The following RAB3C variants were observed in gnomAD, a reference collection of about 807,000 sequenced individuals.
RAB3C encodes the protein ras-related protein Rab-3C.
RAB3C carries 17 observed loss-of-function variants against 26.4 expected under a neutral mutation model. That is an observed-to-expected ratio of 0.64 (90% confidence interval 0.44 to 0.97). The LOEUF (loss-of-function observed/expected upper bound fraction) is 0.97, where lower values mean the gene tolerates loss of function less well. Ranked by LOEUF, RAB3C falls within the 50% of genes least tolerant of loss-of-function variation. The pLI is 0.00. For missense variants in RAB3C, 242 were observed against 281.9 expected (o/e 0.86, Z 1.01); for synonymous variants, 91 against 95.9 (o/e 0.95, Z 0.30).
chr5:58,746,828 T>C (rs1272868655), intron 3 of RAB3C, among the ~76,000 whole-genome samples: 1 of 152,226 alleles, frequency 6.6e-6, no homozygotes, highest in African/African-American at 2.4e-5. Context: ...TGTAAAGATA[T>C]TTATTATTTT....
At chr5:58,662,086 A>C (rs1747915923) in intron 2 of RAB3C, among the ~76,000 whole-genome samples, 1 of 149,880 alleles carries the variant, frequency 6.7e-6, no homozygotes, top group Non-Finnish European at 1.5e-5. Flanking sequence ...TTAGTCTTTT[A>C]CATCAGCTCT....
chr5:58,601,680 C>T (rs1746460901), intron 1 of RAB3C, among the ~76,000 whole-genome samples: 2 of 152,044 alleles, frequency 1.3e-5, no homozygotes, highest in African/African-American at 4.8e-5. Flanking sequence ...TCAGTGGTGT[C>T]AGCTGTAATA....
intron 1 of RAB3C, among the ~76,000 whole-genome samples, chr5:58,592,516 C>T (rs1746155765): frequency 1.3e-5 from 2 of 151,744 alleles, no homozygotes; most frequent in South Asian, 4.2e-4. Context: ...ACCTATGTAC[C>T]ATTTCTGGTA....
chr5:58,747,995 G>T (rs1227842440), intron 3 of RAB3C, among the ~76,000 whole-genome samples: 4 of 152,078 alleles, frequency 2.6e-5, no homozygotes, highest in African/African-American at 4.8e-5. Context: ...GTTGCTGCAG[G>T]TGGCCATGAA....
At chr5:58,672,485 G>A (rs1748140607) in intron 2 of RAB3C, among the ~76,000 whole-genome samples, 1 of 152,122 alleles carries the variant, frequency 6.6e-6, no homozygotes, top group South Asian at 2.1e-4. Flanking sequence ...GATGGTTCTC[G>A]AAGGTCATAT....
chr5:58,597,788 G>T (rs1410652479), intron 1 of RAB3C, among the ~76,000 whole-genome samples: 2 of 84,422 alleles, frequency 2.4e-5, no homozygotes, highest in Non-Finnish European at 4.2e-5. Context: ...TTATATATAA[G>T]TATATAACAT....
intron 1 of RAB3C, chr5:58,583,435 G>A: frequency 8.3e-6 from 6 of 720,322 alleles, no homozygotes; most frequent in Non-Finnish European, 1.0e-5. Context: ...TGAGGGATCG[G>A]GCTATTCGCA....
chr5:58,646,232 C>T (rs961181759), intron 2 of RAB3C, among the ~76,000 whole-genome samples: 9 of 152,150 alleles, frequency 5.9e-5, no homozygotes, highest in African/African-American at 1.9e-4. Context: ...CTCACTGCAC[C>T]TAGCATAGTG....
chr5:58,587,169 T>G (rs1038435814), intron 1 of RAB3C, among the ~76,000 whole-genome samples: 1 of 152,192 alleles, frequency 6.6e-6, no homozygotes, highest in African/African-American at 2.4e-5. Flanking sequence ...ACTTTTGTAG[T>G]ATAAGAATGC....
intron 3 of RAB3C, among the ~76,000 whole-genome samples, chr5:58,762,820 T>C (rs2111978137): frequency 6.6e-6 from 1 of 152,350 alleles, no homozygotes; most frequent in African/African-American, 2.4e-5. Context: ...CTGAGGAAAC[T>C]ACAATATGTT....
At chr5:58,695,417 G>A (rs531517707) in intron 2 of RAB3C, among the ~76,000 whole-genome samples, 1 of 152,226 alleles carries the variant, frequency 6.6e-6, no homozygotes, top group East Asian at 1.9e-4. Flanking sequence ...CTCTTTGTTG[G>A]TTCCATATGA....
chr5:58,664,614 G>A (rs907071001), intron 2 of RAB3C, among the ~76,000 whole-genome samples: 2 of 152,048 alleles, frequency 1.3e-5, no homozygotes, highest in Non-Finnish European at 2.9e-5. Flanking sequence ...TTTGTAAGAT[G>A]TTACCATTAG....
chr5:58,719,812 C>T (rs1040035734), intron 2 of RAB3C, among the ~76,000 whole-genome samples: 1 of 151,852 alleles, frequency 6.6e-6, no homozygotes. Context: ...AAGTGACCTA[C>T]CTACTGGGTA....
At chr5:58,633,577 A>G (rs753426425) in intron 2 of RAB3C, among the ~76,000 whole-genome samples, 3 of 152,198 alleles carry the variant, frequency 2.0e-5, no homozygotes, top group African/African-American at 4.8e-5. Context: ...AAAACTTTCC[A>G]TATCTGAATA....
chr5:58,750,622 C>T (rs1425664984), intron 3 of RAB3C, among the ~76,000 whole-genome samples: 4 of 152,202 alleles, frequency 2.6e-5, no homozygotes, highest in African/African-American at 4.8e-5. Flanking sequence ...CTCTGACTCT[C>T]TTGAAAACTA....
At chr5:58,612,398 CTGATTTCTT>C (rs1245946213) in intron 1 of RAB3C, among the ~76,000 whole-genome samples, 2 of 150,962 alleles carry the variant, frequency 1.3e-5, no homozygotes, top group Non-Finnish European at 2.9e-5. Flanking sequence ...TGTGTCATCT[CTGATTTCTT>C]TGAGCAGTGT....
chr5:58,700,345 T>G (rs10050731), intron 2 of RAB3C, among the ~76,000 whole-genome samples: 5,134 of 152,320 alleles, frequency 0.034, 292 homozygotes, highest in African/African-American at 0.12. Context: ...ATTCTCTACA[T>G]GTTCACGTTC....
chr5:58,636,220 T>C (rs1747286529), intron 2 of RAB3C, among the ~76,000 whole-genome samples: 1 of 152,240 alleles, frequency 6.6e-6, no homozygotes, highest in South Asian at 2.1e-4. Context: ...CTGTCTGGTC[T>C]TCCTGGTATC....
At chr5:58,615,256 T>C (rs996717836) in intron 1 of RAB3C, among the ~76,000 whole-genome samples, 5 of 152,156 alleles carry the variant, frequency 3.3e-5, no homozygotes, top group African/African-American at 1.2e-4. Context: ...TAGTAAGCTA[T>C]CAGGCCAAGT....
Sources: allele counts gnomAD v4.1 joint callset (sites outside exome capture counted in the v4.1 genomes callset), GRCh38; gene constraint gnomAD v4.1.1; transcripts MANE v1.5; gene names NCBI Gene and HGNC (gene_info 2026-07-23, HGNC 2026-07-21).